The following MYL11 variants were observed in gnomAD, a reference collection of about 807,000 sequenced individuals.
MYL11 encodes myosin light chain 11, also known as myosin regulatory light chain 11.
chr16:30,377,006 A>C, the MYL11 span, among the ~76,000 whole-genome samples: 1 of 152,156 alleles, frequency 6.6e-6, no homozygotes, highest in Non-Finnish European at 1.5e-5. Flanking sequence ...TGAGGTCAGG[A>C]GTCCAAGAAC....
At chr16:30,374,374 T>C in the MYL11 span, among the ~76,000 whole-genome samples, 1 of 151,002 alleles carries the variant, frequency 6.6e-6, no homozygotes, top group African/African-American at 2.4e-5. Flanking sequence ...CCTGAACTCC[T>C]GGCCTCAAGC....
At chr16:30,376,345 G>A in the MYL11 span, 2 of 1,547,936 alleles carry the variant, frequency 1.3e-6, no homozygotes, top group Non-Finnish European at 1.8e-6. Context: ...AAATGAATGG[G>A]ATCAGCTGAA....
chr16:30,377,721 G>A, the MYL11 span: 2 of 1,584,002 alleles, frequency 1.3e-6, no homozygotes, highest in African/African-American at 1.3e-5. Flanking sequence ...GGACCGGGGC[G>A]GGGCCGGAGC....
chr16:30,374,076 G>C, the MYL11 span, among the ~76,000 whole-genome samples: 13 of 152,192 alleles, frequency 8.5e-5, no homozygotes, highest in South Asian at 2.3e-3. Context: ...ACTTTGGGAG[G>C]CCTAGGTGGA....
chr16:30,375,923 G>A, the MYL11 span: 3 of 1,613,064 alleles, frequency 1.9e-6, no homozygotes, highest in South Asian at 1.1e-5. Context: ...GTGGGTGAGG[G>A]GACGGGGAAA....
At chr16:30,374,753 G>A in the MYL11 span, 20 of 1,458,456 alleles carry the variant, frequency 1.4e-5, no homozygotes, top group Non-Finnish European at 1.8e-5. Context: ...GGTATGTTAA[G>A]GGCTCCCTGG....
At chr16:30,377,473 T>C in the MYL11 span, 1 of 528,012 alleles carries the variant, frequency 1.9e-6, no homozygotes, top group Non-Finnish European at 3.2e-6. Context: ...GGCGGTAAGA[T>C]TGCATTTTCA....
chr16:30,375,922 G>A, the MYL11 span: 1 of 1,613,412 alleles, frequency 6.2e-7, no homozygotes, highest in Non-Finnish European at 8.5e-7. Flanking sequence ...GGTGGGTGAG[G>A]GGACGGGGAA....
the MYL11 span, chr16:30,376,695 A>G: frequency 6.2e-7 from 1 of 1,613,720 alleles, no homozygotes; most frequent in African/African-American, 1.3e-5. Context: ...ATCAAGAAGA[A>G]GTTGTAAGCA....
At chr16:30,373,774 A>G in the MYL11 span, among the ~76,000 whole-genome samples, 10 of 151,608 alleles carry the variant, frequency 6.6e-5, no homozygotes, top group African/African-American at 2.4e-5. Flanking sequence ...AAAAAAAAAA[A>G]AAAGAAAGAA....
the MYL11 span, chr16:30,377,854 A>T: frequency 5.0e-6 from 8 of 1,614,068 alleles, no homozygotes; most frequent in Admixed American, 1.2e-4. Context: ...GACTACAAAA[A>T]CATCTGCTAC....
chr16:30,371,575 ATC>A, the MYL11 span, among the ~76,000 whole-genome samples: 1 of 152,060 alleles, frequency 6.6e-6, no homozygotes, highest in Non-Finnish European at 1.5e-5. Context: ...GTTCCCATCT[ATC>A]TGAGCTCCTC....
At chr16:30,375,876 C>T in the MYL11 span, 4 of 1,614,120 alleles carry the variant, frequency 2.5e-6, no homozygotes, top group Non-Finnish European at 3.4e-6. Flanking sequence ...GCGTCTTCTC[C>T]ATGTTCGACC....
the MYL11 span, chr16:30,377,627 A>G: frequency 6.8e-7 from 1 of 1,461,068 alleles, no homozygotes. Flanking sequence ...ACCCAATCGC[A>G]ACTCCCCTTG....
At chr16:30,374,843 C>A in the MYL11 span, 1 of 1,613,498 alleles carries the variant, frequency 6.2e-7, no homozygotes, top group Non-Finnish European at 8.5e-7. Context: ...GCCTTGCCCC[C>A]CGGAGACTGA....
At chr16:30,375,571 T>C in the MYL11 span, among the ~76,000 whole-genome samples, 1 of 151,694 alleles carries the variant, frequency 6.6e-6, no homozygotes, top group South Asian at 2.1e-4. Context: ...CTCAGGACAC[T>C]GAGAAGATAA....
At chr16:30,373,796 AT>A in the MYL11 span, among the ~76,000 whole-genome samples, 1 of 151,690 alleles carries the variant, frequency 6.6e-6, no homozygotes. Flanking sequence ...AGAAAAAAAA[AT>A]TCCCCTCTCC....
the MYL11 span, chr16:30,377,720 C>A: frequency 6.3e-7 from 1 of 1,581,854 alleles, no homozygotes; most frequent in African/African-American, 1.3e-5. Context: ...GGGACCGGGG[C>A]GGGGCCGGAG....
At chr16:30,377,648 C>T in the MYL11 span, 1 of 1,507,320 alleles carries the variant, frequency 6.6e-7, no homozygotes, top group Non-Finnish European at 8.9e-7. Flanking sequence ...TGTCACCTCT[C>T]TCCAGCCTGG....
Sources: allele counts gnomAD v4.1 joint callset (sites outside exome capture counted in the v4.1 genomes callset), GRCh38; gene constraint gnomAD v4.1.1; transcripts MANE v1.5; gene names NCBI Gene and HGNC (gene_info 2026-07-23, HGNC 2026-07-21).